EPHA1: variants seen among roughly 807,000 people sequenced by gnomAD.
EPHA1 encodes the protein EPH receptor A1.
Under a neutral mutation model 110.1 loss-of-function variants are expected in EPHA1, and 92 were observed. The observed-to-expected ratio is 0.84, with a 90% CI of 0.71 to 0.99. The LOEUF is 0.99. Among genes scored for constraint, EPHA1 ranks in the 50% least tolerant of loss-of-function variants. The pLI, the probability that EPHA1 is intolerant of heterozygous loss-of-function variation, is 0.00. For missense variants in EPHA1, 1,204 were observed against 1,285.4 expected, an observed-to-expected ratio of 0.94 and a Z score of 0.97; for synonymous variants, 500 against 516.1, an observed-to-expected ratio of 0.97 and a Z score of 0.42.
At chr7:143,404,232 T>A (rs1314726473) in intron 2 of EPHA1, among the ~76,000 whole-genome samples, 3 of 140,154 alleles carry the variant, frequency 2.1e-5, no homozygotes, top group Admixed American at 7.2e-5. Context: ...TTTTTTTTTT[T>A]ATGAGACAGA....
rs146724598 is a variant in EPHA1 at position 143,397,234 on chromosome 7, AACACACAC to A, written c.1771+62_1771+69del. On this transcript the variant is annotated intron_variant, in intron 10 of 17. Coordinates refer to ENST00000275815, the MANE Select transcript of EPHA1 (RefSeq NM_005232.5). ...TGATCCCTTCCCAGTGGCATCTCCC[AACACACAC>A]ACACACGCACACACAGGTGTGCACA... 4.1e-6 allele frequency: 6 copies of A among 1,457,010 alleles called. No individual in the cohort carries two copies. The African/African-American group carries it at 8.4e-5, about 20-fold the overall frequency. The allele number at this position is 1,457,010 out of a possible 1,614,324, so 90.3% of individuals were successfully genotyped here.
chr7:143,407,883 G>A (rs1016638498), intron 1 of EPHA1: 7 of 422,086 alleles, frequency 1.7e-5, no homozygotes, highest in Non-Finnish European at 2.5e-5. Context: ...GTGTGTGAAG[G>A]AAGGCAGGTA....
intron 2 of EPHA1, among the ~76,000 whole-genome samples, chr7:143,404,004 A>G (rs1366644071): frequency 6.6e-6 from 1 of 152,166 alleles, no homozygotes; most frequent in African/African-American, 2.4e-5. Flanking sequence ...TTTGCTAATG[A>G]TGTTTTGATG....
intron 10 of EPHA1, chr7:143,396,812 T>C: frequency 2.7e-6 from 1 of 370,706 alleles, no homozygotes; most frequent in East Asian, 5.2e-5. Context: ...GTCCCCACAC[T>C]GCTCTGGTCA....
In EPHA1 at chr7:143,395,861, G is replaced by A. The variant is rs113863423; in HGVS notation, c.1898-357C>T. Among the ~76,000 whole-genome samples the A allele has an allele frequency of 0.013, 1,951 of 152,328 alleles. 39 individuals are homozygous for A. Among genetic ancestry groups the A allele is most frequent in the African/African-American group, 0.045 (1,851 of 41,580 alleles). The stretch of plus-strand genomic sequence containing the variant: ...AGTGGCAGGGACGCTGGCTATGGCC[G>A]CCTCTCTTCTGTGAGCTCCTCTGGT... On this transcript the variant is annotated intron_variant, in intron 11 of 17. Coordinates refer to ENST00000275815, the MANE Select transcript of EPHA1 (RefSeq NM_005232.5). This position sits in a 1 kb window ranked among gnomAD's most constrained non-coding sequence, Gnocchi z 4.7.
rs1161570547 is a variant in EPHA1 at position 143,398,822 on chromosome 7, T to G, written c.1115A>C (p.Gln372Pro). The change falls in exon 6 of 18, where the codon CAG becomes CCG. Residue 372 changes from glutamine to proline, a missense_variant. Gln to Pro is a moderately conservative substitution (Grantham distance 76). Coordinates refer to ENST00000275815, the MANE Select transcript of EPHA1 (RefSeq NM_005232.5). ...QDVRYSVRCS[Q>P]CQGTAQDGGP... ...CCCGTCCTGTGCTGTGCCCTGACACTGGGAACACCTCACACTGTATCTGAC... is the reference window on the plus strand; with the variant it reads ...CCCGTCCTGTGCTGTGCCCTGACACGGGGAACACCTCACACTGTATCTGAC... 8 of 1,613,360 alleles carry G rather than the reference T, an allele frequency of 5.0e-6. No homozygotes were observed. Among genetic ancestry groups the G allele is most frequent in the Non-Finnish European group, 5.9e-6 (7 of 1,179,976 alleles).
Position 143,391,364 on chromosome 7 carries a change from G to T in EPHA1, c.*93C>A. The T allele has an allele frequency of 1.1e-5, 16 of 1,459,498 alleles. No individual in the cohort carries two copies. The highest frequency in any genetic ancestry group is 1.5e-5 in the Non-Finnish European group (16 of 1,063,060). The allele number at this position is 1,459,498 out of a possible 1,614,324, so 90.4% of individuals were successfully genotyped here. On this transcript the variant is annotated 3_prime_UTR_variant, in exon 18 of 18. Transcript: ENST00000275815. ...GCAGCACCGATAGCCTAGTCTGGCA[G>T]GTTGTGGGAAGGGGCGCAGGGAGTG...
chr7:143,396,273 C>T, intron 11 of EPHA1, 112 bp downstream of exon 11: 2 of 1,416,220 alleles, frequency 1.4e-6, no homozygotes, highest in South Asian at 1.4e-5. Flanking sequence ...AACTCTTGGA[C>T]CAGAGAAGCC....
Position 143,395,366 on chromosome 7 carries a change from T to G in EPHA1, c.2036A>C (p.Gln679Pro). 6.2e-7 allele frequency: 1 copy of G among 1,614,212 alleles called. No individual in the cohort carries two copies. The highest frequency in any genetic ancestry group is 8.5e-7 in the Non-Finnish European group (1 of 1,180,030). ...NFLREATIMG[Q>P]FSHPHILHLE... ...ATGCAGAATATGCGGGTGGCTAAAC[T>G]GGCCCATGATAGTTGCCTCTCGAAG... Residue 679 changes from glutamine (Q) to proline (P), a missense_variant, in exon 12 of 18, where the codon CAG becomes CCG. Gln to Pro is a moderately conservative substitution (Grantham distance 76). Coordinates refer to ENST00000275815, the MANE Select transcript of EPHA1 (RefSeq NM_005232.5). The surrounding 1 kb of genome is among the most constrained non-coding windows in gnomAD (Gnocchi z 4.7).
At chr7:143,406,320 GC>G (rs1805546674) in intron 2 of EPHA1, among the ~76,000 whole-genome samples, 1 of 152,208 alleles carries the variant, frequency 6.6e-6, no homozygotes, top group African/African-American at 2.4e-5. Context: ...CTCCATAAAA[GC>G]CCAGAAGGAT....
chr7:143,407,388 C>T (rs1392173969), intron 2 of EPHA1, among the ~76,000 whole-genome samples: 1 of 152,070 alleles, frequency 6.6e-6, no homozygotes, highest in Non-Finnish European at 1.5e-5. Context: ...CCCAAGTATT[C>T]ACTGGAGGAG....
rs1205296887 is a variant in EPHA1 at position 143,394,909 on chromosome 7, C to T, written c.2251G>A (p.Ala751Thr). The change falls in exon 14 of 18, where the codon GCT becomes ACT. Residue 751 changes from alanine (A) to threonine (T), a missense_variant. Coordinates refer to ENST00000275815, the MANE Select transcript of EPHA1 (RefSeq NM_005232.5). ...TGATTCACCAAGATGTTTCTGGCAG[C>T]CAGGTCCCGGTGGACATAATTGTGA... ...SNHNYVHRDL[A>T]ARNILVNQNL... The T allele has an allele frequency of 2.5e-6, 4 of 1,614,146 alleles. No homozygotes were observed. Among genetic ancestry groups the T allele is most frequent in the Non-Finnish European group, 3.4e-6 (4 of 1,180,038 alleles).
At position 143,395,108 on chromosome 7, in the gene EPHA1, C is replaced by T; in HGVS notation, c.2145+13G>A. On this transcript the variant is annotated intron_variant, in intron 13 of 17. Transcript: ENST00000275815. This position sits in a 1 kb window ranked among gnomAD's most constrained non-coding sequence, Gnocchi z 4.7. ...TGCATCCCCCTCCCCAGCTAGTCCT[C>T]TGCCCTCCTCACCCTCAGGAAGGCA... The T allele has an allele frequency of 6.2e-7, 1 of 1,614,092 alleles. No homozygotes were observed. The highest frequency in any genetic ancestry group is 8.5e-7 in the Non-Finnish European group (1 of 1,180,020).
chr7:143,395,742 C>T lies in EPHA1; in HGVS notation c.1898-238G>A. The stretch of plus-strand genomic sequence containing the variant: ...CAGTGTTTGCACAGTTCTTGGCTCA[C>T]AATAGGCGCTCGGCAACTGCAGGGT... On this transcript the variant is annotated intron_variant, in intron 11 of 17. Coordinates refer to ENST00000275815, the MANE Select transcript of EPHA1 (RefSeq NM_005232.5). This position sits in a 1 kb window ranked among gnomAD's most constrained non-coding sequence, Gnocchi z 4.7. 1.8e-6 allele frequency: 1 copy of T among 562,662 alleles called. No homozygotes were observed. The highest frequency in any genetic ancestry group is 2.3e-5 in the South Asian group (1 of 43,124). 34.9% of individuals were successfully genotyped at this position (562,662 alleles called of 1,614,324 possible).
In EPHA1 at chr7:143,393,698, A is replaced by G. The variant is rs370603321; in HGVS notation, c.2669T>C (p.Leu890Pro). ...LEQLLANPHS[L>P]RTIANFDPRM... Reference sequence around the variant, plus strand: ...GGGGTCAAAGTTGGCAATGGTCCGCAGGGAGTGGGGGTTGGCAAGCAGTTG... The same window carrying G: ...GGGGTCAAAGTTGGCAATGGTCCGCGGGGAGTGGGGGTTGGCAAGCAGTTG... The change falls in exon 16 of 18, where the codon CTG becomes CCG. Residue 890 changes from leucine to proline, a missense_variant. Coordinates refer to ENST00000275815, the MANE Select transcript of EPHA1 (RefSeq NM_005232.5). This position sits in a 1 kb window ranked among gnomAD's most constrained non-coding sequence, Gnocchi z 5.6. 16 of 1,613,662 alleles carry G rather than the reference A, an allele frequency of 9.9e-6. No individual in the cohort carries two copies. The highest frequency in any genetic ancestry group is 1.4e-5 in the Non-Finnish European group (16 of 1,179,934).
chr7:143,393,592 A>T lies in EPHA1; in HGVS notation c.2696+79T>A. ...CCAGAGCTCCCCAGGCCCAGCGCTC[A>T]AAGAAGATTGGCTGAATGCCCATTT... On this transcript the variant is annotated intron_variant, in intron 16 of 17. Coordinates refer to ENST00000275815, the MANE Select transcript of EPHA1 (RefSeq NM_005232.5). This position sits in a 1 kb window ranked among gnomAD's most constrained non-coding sequence, Gnocchi z 5.6. 1 of 1,515,962 alleles carries T rather than the reference A, an allele frequency of 6.6e-7. No individual in the cohort carries two copies. Among genetic ancestry groups the T allele is most frequent in the Non-Finnish European group, 8.9e-7 (1 of 1,117,842 alleles). 93.9% of individuals were successfully genotyped at this position (1,515,962 alleles called of 1,614,324 possible).
chr7:143,393,071 G>C lies in EPHA1; in HGVS notation c.2696+600C>G, dbSNP rs942648013. ...TGCTATTCCTAAACACAATGCCGCA[G>C]CCATCCTGCACTATCTGCAACCTAC... On this transcript the variant is annotated intron_variant, in intron 16 of 17. Transcript: ENST00000275815. This position sits in a 1 kb window ranked among gnomAD's most constrained non-coding sequence, Gnocchi z 5.6. 1.3e-5 allele frequency among the ~76,000 whole-genome samples: 2 copies of C among 152,120 alleles called. No individual in the cohort carries two copies. Among genetic ancestry groups the C allele is most frequent in the African/African-American group, 4.8e-5 (2 of 41,414 alleles).
chr7:143,402,040 C>A (rs10808026), intron 2 of EPHA1, among the ~76,000 whole-genome samples: 28,750 of 151,832 alleles, frequency 0.19, 2,889 homozygotes, highest in South Asian at 0.28. Context: ...GGCTCAGTCT[C>A]CCAAGTAGCT....
chr7:143,398,270 G>A (rs1275086683), intron 7 of EPHA1, 51 bp downstream of exon 7: 2 of 1,608,340 alleles, frequency 1.2e-6, no homozygotes, highest in Non-Finnish European at 1.7e-6. Flanking sequence ...AGGAATGTTG[G>A]GGTGTGCCCG....
Sources: gnomAD v4.1 joint callset for allele counts (sites outside exome capture counted in the v4.1 genomes callset) on GRCh38, gnomAD v4.1.1 for gene constraint, Gnocchi (gnomAD v3.1) non-coding constraint, MANE v1.5 for transcripts, NCBI Gene and HGNC (gene_info 2026-07-23, HGNC 2026-07-21) for gene names.